PPP1R12A: variants seen among roughly 807,000 people sequenced by gnomAD.
The protein encoded by PPP1R12A is protein phosphatase 1 regulatory subunit 12A, also known as myosin binding subunit.
In PPP1R12A, 19 loss-of-function variants were observed where a neutral mutation model predicts 139.6. That is an observed-to-expected ratio of 0.14 (90% CI 0.09 to 0.20). The LOEUF (loss-of-function observed/expected upper bound fraction) is 0.20. PPP1R12A is among the 10% of genes least tolerant of loss of function. The pLI, the probability that PPP1R12A is intolerant of heterozygous loss-of-function variation, is 1.00. For synonymous variants in PPP1R12A, 427 were observed against 420.6 expected, an observed-to-expected ratio of 1.02 and a Z score of -0.19; for missense variants, 925 against 1,211.5, an observed-to-expected ratio of 0.76 and a Z score of 3.51.
At chr12:79,893,755 T>C (rs1398574936) in intron 1 of PPP1R12A, among the ~76,000 whole-genome samples, 1 of 152,200 alleles carries the variant, frequency 6.6e-6, no homozygotes, top group Non-Finnish European at 1.5e-5. Flanking sequence ...GTGTAATTGA[T>C]ACTAAAAATT....
chr12:79,868,718 A>C (rs1299192701), intron 2 of PPP1R12A, among the ~76,000 whole-genome samples: 8 of 152,130 alleles, frequency 5.3e-5, no homozygotes, highest in African/African-American at 1.9e-4. Flanking sequence ...TTTTAACTTA[A>C]TCATCCCTTT....
Position 79,786,482 on chromosome 12 carries a change from T to C in PPP1R12A, c.2803-4A>G, listed in dbSNP as rs756314012. 6.6e-6 allele frequency: 10 copies of C among 1,516,788 alleles called. No individual in the cohort carries two copies. The African/African-American group carries it at 1.4e-4, about 21-fold the overall frequency. 94.0% of individuals were successfully genotyped at this position (1,516,788 alleles called of 1,614,324 possible). A position where few individuals can be genotyped will look rare whatever the true frequency, so the allele number is the denominator to read the frequency against. Reference sequence around the variant, plus strand: ...CAGCTAGAATTTGTTCATAAAGCTATAAAAATTAGGGTAAAAGAACAAATT... The same window carrying C: ...CAGCTAGAATTTGTTCATAAAGCTACAAAAATTAGGGTAAAAGAACAAATT... On this transcript the variant is annotated splice_region_variant and splice_polypyrimidine_tract_variant and intron_variant, in intron 21 of 24. Transcript: ENST00000450142.
Position 79,935,037 on chromosome 12 carries a change from C to G in PPP1R12A, c.-106G>C, listed in dbSNP as rs909884844. On this transcript the variant is annotated 5_prime_UTR_variant, in exon 1 of 25. Transcript: ENST00000450142. ...GTGTGAATGTTTCTATGAGTGCGGG[C>G]CAGAGGAGGGCTGGGAACCCGGAGC... is the stretch of plus-strand genomic sequence containing the variant. 5.5e-5 allele frequency: 78 copies of G among 1,428,590 alleles called. No homozygotes were observed. Among genetic ancestry groups the G allele is most frequent in the Non-Finnish European group, 6.8e-5 (74 of 1,091,446 alleles). 88.5% of individuals were successfully genotyped at this position (1,428,590 alleles called of 1,614,324 possible).
chr12:79,839,553 G>A lies in PPP1R12A; in HGVS notation c.487+5749C>T, dbSNP rs143863642. On this transcript the variant is annotated intron_variant, in intron 3 of 24. Coordinates refer to ENST00000450142, the MANE Select transcript of PPP1R12A (RefSeq NM_002480.3). Reference sequence around the variant, plus strand: ...CCCCACAAGTCGTGGGAGGGACTCCGTGTGAGGTAACTGAATCATGGGGGC... The same window carrying A: ...CCCCACAAGTCGTGGGAGGGACTCCATGTGAGGTAACTGAATCATGGGGGC... 1.6e-3 allele frequency among the ~76,000 whole-genome samples: 243 copies of A among 152,248 alleles called. 2 individuals carry two copies. The highest frequency in any genetic ancestry group is 3.4e-3 in the Middle Eastern group (1 of 294).
At chr12:79,893,238 C>T (rs945706614) in intron 1 of PPP1R12A, among the ~76,000 whole-genome samples, 9 of 152,136 alleles carry the variant, frequency 5.9e-5, no homozygotes, top group Non-Finnish European at 8.8e-5. Flanking sequence ...TAGTCTTTTA[C>T]ACCTTAAGCC....
rs1470437434 is a variant in PPP1R12A, at chr12:79,773,824, AAT to A, written c.*2103_*2104del. 6.6e-6 allele frequency: 1 copy of A among 152,246 alleles called. No individual in the cohort carries two copies. Among genetic ancestry groups the A allele is most frequent in the African/African-American group, 2.4e-5 (1 of 41,474 alleles). The allele number at this position is 152,246 out of a possible 1,614,324, so 9.4% of individuals were successfully genotyped here. ...CTTCATTAAAAGTTCACACATTTAA[AAT>A]AGTTTTATTCATTTTATTTGTATAT... On this transcript the variant is annotated 3_prime_UTR_variant, in exon 25 of 25. Coordinates refer to ENST00000450142, the MANE Select transcript of PPP1R12A (RefSeq NM_002480.3).
intron 1 of PPP1R12A, among the ~76,000 whole-genome samples, chr12:79,883,047 G>A (rs141441757): frequency 0.046 from 7,065 of 152,198 alleles, 226 homozygotes; most frequent in Non-Finnish European, 0.062. Flanking sequence ...GGAGGCAGGA[G>A]AATTGCTTGA....
At chr12:79,791,766 T>C (rs1375632239) in intron 19 of PPP1R12A, among the ~76,000 whole-genome samples, 3 of 152,232 alleles carry the variant, frequency 2.0e-5, no homozygotes, top group Admixed American at 6.5e-5. Context: ...GCTAGAACTT[T>C]TTCATCTTGC....
intron 22 of PPP1R12A, among the ~76,000 whole-genome samples, chr12:79,786,161 T>C (rs78205077): frequency 0.014 from 2,088 of 152,324 alleles, 53 homozygotes; most frequent in African/African-American, 0.048. Context: ...TACCACAACA[T>C]TGGTATTAAA....
At chr12:79,803,554 T>G (rs1306053930) in intron 14 of PPP1R12A, among the ~76,000 whole-genome samples, 1 of 152,158 alleles carries the variant, frequency 6.6e-6, no homozygotes, top group African/African-American at 2.4e-5. Context: ...TCAACATATA[T>G]ACATTTTTTA....
intron 1 of PPP1R12A, among the ~76,000 whole-genome samples, chr12:79,877,839 C>CT (rs1034694532): frequency 3.3e-5 from 5 of 152,046 alleles, no homozygotes; most frequent in African/African-American, 1.2e-4. Flanking sequence ...TTCTGTTCAC[C>CT]TTTTTTTCTC....
At position 79,774,208 on chromosome 12, in the gene PPP1R12A, A is replaced by T. The variant is rs1241169762; in HGVS notation, c.*1721T>A. On this transcript the variant is annotated 3_prime_UTR_variant, in exon 25 of 25. Coordinates refer to ENST00000450142, the MANE Select transcript of PPP1R12A (RefSeq NM_002480.3). ...TTCATACAGTTCAAATATAACCAAAAATAAAACTCCCACAACTATCCTTGT... is the reference window on the plus strand; with the variant it reads ...TTCATACAGTTCAAATATAACCAAATATAAAACTCCCACAACTATCCTTGT... 1 of 152,156 alleles carries T rather than the reference A, an allele frequency of 6.6e-6. No homozygotes were observed. The highest frequency in any genetic ancestry group is 6.6e-5 in the Admixed American group (1 of 15,266). The allele number at this position is 152,156 out of a possible 1,614,324, so 9.4% of individuals were successfully genotyped here. A position where few individuals can be genotyped will look rare whatever the true frequency, so the allele number is the denominator to read the frequency against.
At chr12:79,841,068 A>AAGAG (rs943798768) in intron 3 of PPP1R12A, among the ~76,000 whole-genome samples, 3 of 150,200 alleles carry the variant, frequency 2.0e-5, no homozygotes, top group Non-Finnish European at 3.0e-5. Context: ...AAAAAAAAAA[A>AAGAG]AGAGAGAGAG....
intron 2 of PPP1R12A, among the ~76,000 whole-genome samples, chr12:79,861,540 G>A (rs1448272500): frequency 6.6e-6 from 1 of 152,184 alleles, no homozygotes; most frequent in East Asian, 1.9e-4. Flanking sequence ...AGGGGTCATG[G>A]GATTTCCCTT....
intron 24 of PPP1R12A, chr12:79,777,638 T>C (rs1371518507): frequency 1.0e-6 from 1 of 984,960 alleles, no homozygotes; most frequent in African/African-American, 1.7e-5. Flanking sequence ...GAATTTGCTT[T>C]ATTTGGTGCA....
intron 8 of PPP1R12A, among the ~76,000 whole-genome samples, chr12:79,818,003 A>G (rs974068976): frequency 1.3e-5 from 2 of 152,184 alleles, no homozygotes; most frequent in Non-Finnish European, 2.9e-5. Flanking sequence ...TAAATGTCCC[A>G]AAGAGCATGT....
chr12:79,822,366 T>G (rs1259387883), intron 5 of PPP1R12A, among the ~76,000 whole-genome samples, 176 bp from the exon 6 acceptor site: 1 of 152,220 alleles, frequency 6.6e-6, no homozygotes, highest in Non-Finnish European at 1.5e-5. Context: ...GAAATTTATG[T>G]GAGACAGAAG....
intron 1 of PPP1R12A, among the ~76,000 whole-genome samples, chr12:79,889,377 C>T (rs1884388436): frequency 6.6e-6 from 1 of 152,152 alleles, no homozygotes; most frequent in Admixed American, 6.6e-5. Context: ...GCTTCTTTCT[C>T]CACCAGCCTA....
chr12:79,903,978 A>G (rs1196843967), intron 1 of PPP1R12A, among the ~76,000 whole-genome samples: 1 of 152,096 alleles, frequency 6.6e-6, no homozygotes, highest in Non-Finnish European at 1.5e-5. Flanking sequence ...TTTTATGTAA[A>G]AGTGTATCCC....
Sources: allele counts gnomAD v4.1 joint callset (sites outside exome capture counted in the v4.1 genomes callset), GRCh38; gene constraint gnomAD v4.1.1; transcripts MANE v1.5; gene names NCBI Gene and HGNC (gene_info 2026-07-23, HGNC 2026-07-21).